The following PTPRD variants were observed in gnomAD, a reference collection of about 807,000 sequenced individuals.
The protein encoded by PTPRD is receptor-type tyrosine-protein phosphatase delta.
Under a neutral mutation model 214.5 loss-of-function variants are expected in PTPRD, and 34 were observed. The ratio of observed to expected loss-of-function variants is 0.16; its 90% CI spans 0.12 to 0.21. PTPRD has a LOEUF of 0.21. Ranked by LOEUF, PTPRD falls within the 10% of genes least tolerant of loss-of-function variation. PTPRD has a pLI of 1.00. For missense variants in PTPRD, 2,545 were observed against 2,398.7 expected, an observed-to-expected ratio of 1.06 and a Z score of -1.27; for synonymous variants, 1,128 against 845.7, an observed-to-expected ratio of 1.33 and a Z score of -5.79.
At chr9:9,655,576 A>AAACCG (rs1443915761) in intron 7 of PTPRD, among the ~76,000 whole-genome samples, 7 of 118,396 alleles carry the variant, frequency 5.9e-5, no homozygotes, top group African/African-American at 2.5e-4. Flanking sequence ...CTCAAAGGGA[A>AAACCG]AACCAAACCA....
intron 10 of PTPRD, among the ~76,000 whole-genome samples, chr9:9,020,358 G>A (rs149188148): frequency 2.6e-5 from 4 of 152,252 alleles, no homozygotes; most frequent in African/African-American, 9.6e-5. Flanking sequence ...GCTGTGTGAT[G>A]ACTAGATGGA....
chr9:9,839,160 G>C lies in PTPRD; in HGVS notation c.-367-72309C>G, dbSNP rs550762448. Among the ~76,000 whole-genome samples, 4 of 152,242 alleles carry C rather than the reference G, an allele frequency of 2.6e-5. No individual in the cohort carries two copies. In the South Asian group the frequency reaches 6.2e-4, roughly 24 times the overall value. On this transcript the variant is annotated intron_variant, in intron 5 of 45. Coordinates refer to ENST00000381196, the MANE Select transcript of PTPRD (RefSeq NM_002839.4). The stretch of plus-strand genomic sequence containing the variant: ...TTGGTACCAGTACCATGCTGTTTTG[G>C]TTACTGTAGCCTTGTAGTATAGTGT...
chr9:9,920,869 T>C (rs540391384), intron 5 of PTPRD, among the ~76,000 whole-genome samples: 1 of 152,282 alleles, frequency 6.6e-6, no homozygotes, highest in Non-Finnish European at 1.5e-5. Context: ...CATGGGAGCC[T>C]ATAACGCAGG....
At chr9:10,194,352 AGAGAGAGAGAGAG>A (rs2099388716) in intron 3 of PTPRD, among the ~76,000 whole-genome samples, 1 of 6,032 alleles carries the variant, frequency 1.7e-4, no homozygotes, top group Non-Finnish European at 3.8e-4. Context: ...ATATAGAGAG[AGAGAGAGAGAGAG>A]AGAGAGAGAG....
chr9:8,440,083 T>C (rs2095497221), intron 34 of PTPRD, among the ~76,000 whole-genome samples: 1 of 151,682 alleles, frequency 6.6e-6, no homozygotes, highest in African/African-American at 2.4e-5. Context: ...ATGGGGGGCC[T>C]ATAACTCCAT....
chr9:10,450,253 T>A (rs1041472591), intron 2 of PTPRD, among the ~76,000 whole-genome samples: 8 of 149,736 alleles, frequency 5.3e-5, no homozygotes, highest in Admixed American at 3.3e-4. Context: ...CTAAAAAAAA[T>A]AAATAAATAA....
chr9:9,092,326 G>T (rs1345575171), intron 10 of PTPRD, among the ~76,000 whole-genome samples: 1 of 152,098 alleles, frequency 6.6e-6, no homozygotes, highest in East Asian at 1.9e-4. Context: ...CTATACCAAG[G>T]TATTTATAAA....
rs1174664004 is a variant in PTPRD, at chr9:10,060,867, T to TC, written c.-544-27078dup. Among the ~76,000 whole-genome samples the TC allele has an allele frequency of 2.2e-3, 204 of 91,882 alleles. 15 individuals carry two copies. The highest frequency in any genetic ancestry group is 4.0e-3 in the East Asian group (12 of 3,026). 60.3% of individuals were successfully genotyped at this position (91,882 alleles called of 152,430 possible). On this transcript the variant is annotated intron_variant, in intron 3 of 45. Coordinates refer to ENST00000381196, the MANE Select transcript of PTPRD (RefSeq NM_002839.4). ...TCCTTTCCTTTCTTTCTTCCTTCCTTCTTTCCTTCCTTCCTTCCTTCCTTC... is the reference window on the plus strand; with the variant it reads ...TCCTTTCCTTTCTTTCTTCCTTCCTTCCTTTCCTTCCTTCCTTCCTTCCTTC...
chr9:8,799,718 G>T (rs2096533074), intron 11 of PTPRD, among the ~76,000 whole-genome samples: 2 of 152,050 alleles, frequency 1.3e-5, no homozygotes, highest in South Asian at 4.1e-4. Context: ...TTTATGAAAA[G>T]AATTATTCTT....
intron 14 of PTPRD, among the ~76,000 whole-genome samples, chr9:8,614,055 T>A (rs968515996): frequency 6.6e-6 from 1 of 152,050 alleles, no homozygotes. Flanking sequence ...TTCTGTTATT[T>A]GATATAGTGT....
At chr9:9,373,350 A>G (rs937241967) in intron 9 of PTPRD, among the ~76,000 whole-genome samples, 3 of 152,090 alleles carry the variant, frequency 2.0e-5, no homozygotes, top group East Asian at 1.9e-4. Flanking sequence ...TAACACCTAG[A>G]AACCTTGTAG....
intron 8 of PTPRD, among the ~76,000 whole-genome samples, chr9:9,572,767 G>C (rs1193718662): frequency 1.3e-5 from 2 of 150,822 alleles, no homozygotes; most frequent in South Asian, 4.2e-4. Context: ...ACATTTCAAC[G>C]AATAGTGTAA....
In PTPRD at chr9:8,518,438, G is replaced by C. The variant is rs192554695; in HGVS notation, c.962-9C>G. 901 of 1,565,392 alleles carry C rather than the reference G, an allele frequency of 5.8e-4. 17 individuals are homozygous for C. In the East Asian group the frequency reaches 0.014, roughly 24 times the overall value. Reference sequence around the variant, plus strand: ...TGGAGGTTTGGGTAAGGCTTGGATGGGGGAAGATAAAAGACAATGACTACC... The same window carrying C: ...TGGAGGTTTGGGTAAGGCTTGGATGCGGGAAGATAAAAGACAATGACTACC... On this transcript the variant is annotated splice_polypyrimidine_tract_variant and intron_variant, in intron 20 of 45. Coordinates refer to ENST00000381196, the MANE Select transcript of PTPRD (RefSeq NM_002839.4).
intron 34 of PTPRD, chr9:8,437,279 C>A (rs2095390741): frequency 8.0e-6 from 11 of 1,374,122 alleles, no homozygotes; most frequent in Non-Finnish European, 9.7e-6. Flanking sequence ...TAAAATAGAA[C>A]AAATTCTTCA....
chr9:10,454,869 T>A (rs2098894812), intron 2 of PTPRD, among the ~76,000 whole-genome samples: 2 of 150,422 alleles, frequency 1.3e-5, no homozygotes, highest in African/African-American at 2.4e-5. Context: ...ACTCTAAGAG[T>A]GGTCCTAAAG....
chr9:9,376,409 T>C (rs2060814584), intron 9 of PTPRD, among the ~76,000 whole-genome samples: 1 of 152,202 alleles, frequency 6.6e-6, no homozygotes, highest in Admixed American at 6.6e-5. Flanking sequence ...ATCAGTCAAA[T>C]TATCCTTTAA....
chr9:9,493,620 C>G (rs1205778242), intron 8 of PTPRD, among the ~76,000 whole-genome samples: 6 of 151,734 alleles, frequency 4.0e-5, no homozygotes, highest in Non-Finnish European at 8.8e-5. Context: ...AACCCTGTCT[C>G]TACTAAACAT....
chr9:9,463,951 A>G (rs1569568551), intron 8 of PTPRD, among the ~76,000 whole-genome samples: 1 of 152,188 alleles, frequency 6.6e-6, no homozygotes, highest in South Asian at 2.1e-4. Context: ...CCCCTCACTC[A>G]TCATGACTGC....
chr9:10,007,579 C>G (rs1449235883), intron 4 of PTPRD, among the ~76,000 whole-genome samples: 2 of 151,920 alleles, frequency 1.3e-5, no homozygotes, highest in East Asian at 3.9e-4. Context: ...CGAATGCCTT[C>G]TGGTCATATG....
Sources: allele counts gnomAD v4.1 joint callset (sites outside exome capture counted in the v4.1 genomes callset), GRCh38; gene constraint gnomAD v4.1.1; transcripts MANE v1.5; gene names NCBI Gene and HGNC (gene_info 2026-07-23, HGNC 2026-07-21).